PI15: variants seen among roughly 807,000 people sequenced by gnomAD.
PI15 encodes the protein peptidase inhibitor 15, also known as 25 kDa trypsin inhibitor.
Under a neutral mutation model 31.0 loss-of-function variants are expected in PI15, and 18 were observed. The observed-to-expected ratio is 0.58, with a 90% confidence interval of 0.40 to 0.86. The LOEUF is 0.86. Ranked by LOEUF, PI15 falls within the 40% of genes least tolerant of loss-of-function variation. The probability of loss-of-function intolerance (pLI) is 0.00; values close to 1 mark genes in which losing one functional copy is unlikely to be tolerated. For synonymous variants in PI15, 118 were observed against 119.1 expected (o/e 0.99, Z 0.06); for missense variants, 282 against 328.1 (o/e 0.86, Z 1.09).
In PI15 at chr8:74,853,853, T is replaced by G. The variant is rs1165181741; in HGVS notation, c.*4600T>G. 6.6e-6 allele frequency: 1 copy of G among 152,036 alleles called. No homozygotes were observed. The highest frequency in any genetic ancestry group is 2.4e-5 in the African/African-American group (1 of 41,428). 9.4% of individuals were successfully genotyped at this position (152,036 alleles called of 1,614,324 possible). On this transcript the variant is annotated 3_prime_UTR_variant, in exon 6 of 6. Coordinates refer to ENST00000260113, the MANE Select transcript of PI15 (RefSeq NM_015886.5). ...TTAAAGTGCTTTTTTTTTTCTGAAT[T>G]AATTAGGTATTGGTAAAATATATTT...
chr8:74,825,669 AAT>A (rs1810688748), intron 2 of PI15, 147 bp downstream of exon 2: 2 of 654,786 alleles, frequency 3.1e-6, no homozygotes, highest in Non-Finnish European at 5.1e-6. Flanking sequence ...TTATGTGCCT[AAT>A]AATGTTGAGT....
intron 2 of PI15, among the ~76,000 whole-genome samples, chr8:74,826,724 C>T (rs1810704892): frequency 6.6e-6 from 1 of 152,032 alleles, no homozygotes; most frequent in Admixed American, 6.6e-5. Context: ...GAACTCATTA[C>T]CACACTGTTT....
rs1481120677 is a variant in PI15, at chr8:74,849,486, A to G, written c.*233A>G. On this transcript the variant is annotated 3_prime_UTR_variant, in exon 6 of 6. Coordinates refer to ENST00000260113, the MANE Select transcript of PI15 (RefSeq NM_015886.5). Reference sequence around the variant, plus strand: ...CTAAGCCTAAATTAAGATATTGTATATGTAATGATGACATAGTTGATGCAT... The same window carrying G: ...CTAAGCCTAAATTAAGATATTGTATGTGTAATGATGACATAGTTGATGCAT... 2.8e-5 allele frequency: 11 copies of G among 396,774 alleles called. No homozygotes were observed. The highest frequency in any genetic ancestry group is 4.5e-5 in the Non-Finnish European group (10 of 222,422). 24.6% of individuals were successfully genotyped at this position (396,774 alleles called of 1,614,324 possible). A position where few individuals can be genotyped will look rare whatever the true frequency, so the allele number is the denominator to read the frequency against.
At chr8:74,839,745 A>C (rs1200568952) in intron 2 of PI15, among the ~76,000 whole-genome samples, 3 of 152,184 alleles carry the variant, frequency 2.0e-5, no homozygotes, top group Non-Finnish European at 4.4e-5. Flanking sequence ...AATTTGTTGC[A>C]TATTTACTAG....
intron 5 of PI15, among the ~76,000 whole-genome samples, chr8:74,847,623 T>C (rs1460882334): frequency 1.3e-5 from 2 of 152,268 alleles, no homozygotes; most frequent in East Asian, 3.9e-4. Context: ...ATAAATTTAA[T>C]AAAGGTGGGC....
chr8:74,825,855 T>C (rs545779358), intron 2 of PI15, among the ~76,000 whole-genome samples: 24 of 152,198 alleles, frequency 1.6e-4, no homozygotes, highest in Non-Finnish European at 2.2e-4. Flanking sequence ...ATTTGGAAGG[T>C]CCACTTTAAA....
rs577969808 is a variant in PI15 at position 74,849,500 on chromosome 8, T to C, written c.*247T>C. The stretch of plus-strand genomic sequence containing the variant: ...AGATATTGTATATGTAATGATGACA[T>C]AGTTGATGCATCCAATCCTAAAACT... On this transcript the variant is annotated 3_prime_UTR_variant, in exon 6 of 6. Transcript: ENST00000260113. 1.1e-4 allele frequency: 38 copies of C among 351,648 alleles called. No individual in the cohort carries two copies. Among genetic ancestry groups the C allele is most frequent in the African/African-American group, 7.4e-4 (35 of 47,010 alleles). The allele number at this position is 351,648 out of a possible 1,614,324, so 21.8% of individuals were successfully genotyped here.
chr8:74,837,747 G>A (rs1433470), intron 2 of PI15, among the ~76,000 whole-genome samples: 3 of 152,070 alleles, frequency 2.0e-5, no homozygotes, highest in African/African-American at 2.4e-5. Context: ...ACACATAAAC[G>A]TCCAAGAAAA....
intron 5 of PI15, among the ~76,000 whole-genome samples, chr8:74,846,166 C>A (rs1445147779): frequency 6.6e-6 from 1 of 152,196 alleles, no homozygotes; most frequent in Non-Finnish European, 1.5e-5. Flanking sequence ...GGATTTATGA[C>A]ACTCTTGGTG....
At chr8:74,834,327 CT>C (rs1810831282) in intron 2 of PI15, among the ~76,000 whole-genome samples, 1 of 152,178 alleles carries the variant, frequency 6.6e-6, no homozygotes, top group Non-Finnish European at 1.5e-5. Context: ...AAATCTTTCT[CT>C]TTGTATTATT....
chr8:74,832,450 G>A (rs140834608), intron 2 of PI15, among the ~76,000 whole-genome samples: 363 of 152,194 alleles, frequency 2.4e-3, no homozygotes, highest in African/African-American at 8.5e-3. Flanking sequence ...AGGTTGGGTA[G>A]TGTAGTGGAG....
At chr8:74,838,591 T>C (rs1259990147) in intron 2 of PI15, among the ~76,000 whole-genome samples, 1 of 152,012 alleles carries the variant, frequency 6.6e-6, no homozygotes, top group African/African-American at 2.4e-5. Flanking sequence ...TAGTCCCCAG[T>C]GTCTATTTTT....
At chr8:74,840,303 T>C (rs1162880480) in intron 2 of PI15, among the ~76,000 whole-genome samples, 2 of 152,128 alleles carry the variant, frequency 1.3e-5, no homozygotes, top group East Asian at 3.9e-4. Flanking sequence ...ATAGTCTACT[T>C]ATCTATCAAG....
At chr8:74,844,146 A>G in intron 3 of PI15, 47 bp downstream of exon 3, 1 of 847,832 alleles carries the variant, frequency 1.2e-6, no homozygotes. Context: ...GGCTTTATTA[A>G]TTATGGACTC....
intron 2 of PI15, among the ~76,000 whole-genome samples, chr8:74,841,385 T>A (rs1170781527): frequency 2.0e-5 from 3 of 152,162 alleles, no homozygotes; most frequent in African/African-American, 7.2e-5. Context: ...GATGCCCTCA[T>A]TCAATCTCAT....
intron 2 of PI15, among the ~76,000 whole-genome samples, chr8:74,836,597 T>C (rs1810875746): frequency 6.6e-6 from 1 of 151,940 alleles, no homozygotes; most frequent in African/African-American, 2.4e-5. Flanking sequence ...CCCTGGGAAC[T>C]TTCCGGCACA....
intron 3 of PI15, among the ~76,000 whole-genome samples, chr8:74,844,412 A>T (rs1256793130): frequency 6.8e-6 from 1 of 146,844 alleles, no homozygotes; most frequent in Non-Finnish European, 1.5e-5. Context: ...AAAAAGCCCC[A>T]TGACTGTGCA....
intron 2 of PI15, chr8:74,826,414 A>G (rs1418012118): frequency 3.7e-6 from 1 of 270,610 alleles, no homozygotes; most frequent in Non-Finnish European, 5.7e-6. Context: ...AAAATTTGGG[A>G]TTTTTATCAT....
intron 2 of PI15, among the ~76,000 whole-genome samples, chr8:74,828,369 T>C (rs1810729763): frequency 6.6e-6 from 1 of 151,924 alleles, no homozygotes; most frequent in African/African-American, 2.4e-5. Flanking sequence ...CTCAATTGAG[T>C]GAAATCATAA....
Sources: allele counts gnomAD v4.1 joint callset (sites outside exome capture counted in the v4.1 genomes callset), GRCh38; gene constraint gnomAD v4.1.1; transcripts MANE v1.5; gene names NCBI Gene and HGNC (gene_info 2026-07-23, HGNC 2026-07-21).